The following COBL variants were observed in gnomAD, a reference collection of about 807,000 sequenced individuals.
The protein encoded by COBL is cordon-bleu WH2 repeat protein.
In COBL, 51 loss-of-function variants were observed where a neutral mutation model predicts 98.8. That is an observed-to-expected ratio of 0.52 (90% CI 0.41 to 0.65). The LOEUF (loss-of-function observed/expected upper bound fraction) is 0.65, where lower values mean the gene tolerates loss of function less well. Ranked by LOEUF, COBL falls within the 30% of genes least tolerant of loss-of-function variation. The pLI is 0.00. For synonymous variants in COBL, 634 were observed against 651.7 expected (o/e 0.97, Z 0.41); for missense variants, 1,617 against 1,617.5 (o/e 1.00, Z 0.01).
chr7:51,209,962 G>A (rs571538130), intron 2 of COBL, among the ~76,000 whole-genome samples: 18 of 152,300 alleles, frequency 1.2e-4, no homozygotes, highest in African/African-American at 3.4e-4. Flanking sequence ...TGGACAGCCC[G>A]GGGCTCCACA....
intron 7 of COBL, among the ~76,000 whole-genome samples, chr7:51,056,976 G>A (rs548049673): frequency 4.6e-4 from 70 of 152,222 alleles, no homozygotes; most frequent in African/African-American, 1.3e-3. Flanking sequence ...TTTGAATCAC[G>A]TGTCCTTCTG....
intron 5 of COBL, among the ~76,000 whole-genome samples, chr7:51,142,956 A>T (rs1583941498): frequency 6.6e-6 from 1 of 152,106 alleles, no homozygotes; most frequent in South Asian, 2.1e-4. Flanking sequence ...GCAGAAGCTC[A>T]TTTCCAGCCA....
intron 8 of COBL, chr7:51,033,046 C>A (rs535825702): frequency 2.0e-5 from 3 of 152,016 alleles, no homozygotes; most frequent in African/African-American, 7.2e-5. Context: ...AGACATGGAA[C>A]ATAATGATAT....
At chr7:51,308,622 G>C (rs1802710484) in intron 1 of COBL, among the ~76,000 whole-genome samples, 2 of 152,144 alleles carry the variant, frequency 1.3e-5, no homozygotes, top group African/African-American at 4.8e-5. Context: ...ACAACGCTTT[G>C]CCAATGCTCC....
rs546556885 is a variant in COBL at position 51,060,344 on chromosome 7, C to T, written c.1097-16652G>A. ...AGCTTGACTTACAGTAGGCCTTATC[C>T]ATTGTCATGGTATTCCAGAGAGCAT... On this transcript the variant is annotated intron_variant, in intron 7 of 12. Coordinates refer to ENST00000265136, the MANE Select transcript of COBL (RefSeq NM_015198.5). 1.1e-4 allele frequency among the ~76,000 whole-genome samples: 17 copies of T among 152,308 alleles called. No individual in the cohort carries two copies. In the East Asian group the frequency reaches 3.3e-3, roughly 29 times the overall value.
intron 1 of COBL, among the ~76,000 whole-genome samples, chr7:51,224,628 C>G (rs547871782): frequency 1.2e-4 from 18 of 151,728 alleles, no homozygotes; most frequent in African/African-American, 4.3e-4. Flanking sequence ...CATGCCCGGG[C>G]TAGGGACAAC....
At chr7:51,217,138 C>T (rs1166483785) in intron 2 of COBL, among the ~76,000 whole-genome samples, 1 of 152,192 alleles carries the variant, frequency 6.6e-6, no homozygotes, top group Non-Finnish European at 1.5e-5. Context: ...AAGGCTGCAC[C>T]TATTCTCAGT....
At chr7:51,184,524 C>T (rs889628791) in intron 4 of COBL, among the ~76,000 whole-genome samples, 5 of 152,188 alleles carry the variant, frequency 3.3e-5, no homozygotes, top group African/African-American at 1.2e-4. Flanking sequence ...CCAGACCACA[C>T]ATGTAATTTT....
At chr7:51,129,754 GAGGC>G (rs778756916) in intron 6 of COBL, among the ~76,000 whole-genome samples, 3 of 152,148 alleles carry the variant, frequency 2.0e-5, no homozygotes, top group Admixed American at 6.5e-5. Flanking sequence ...ATGCTAGGGA[GAGGC>G]AGGTGAAAGG....
Position 51,206,124 on chromosome 7 carries a change from G to A in COBL, c.246-12535C>T, listed in dbSNP as rs1295517388. Among the ~76,000 whole-genome samples the A allele has an allele frequency of 2.6e-5, 4 of 152,136 alleles. No individual in the cohort carries two copies. In the South Asian group the frequency reaches 6.2e-4, roughly 24 times the overall value. The stretch of plus-strand genomic sequence containing the variant: ...ATTGGTACAGCCATTATGGAAAACA[G>A]TCTGGTGGTTCTTCAAAAAATTAAA... On this transcript the variant is annotated intron_variant, in intron 2 of 12. Transcript: ENST00000265136.
chr7:51,039,964 G>A (rs1192496818), intron 8 of COBL, among the ~76,000 whole-genome samples: 2 of 152,170 alleles, frequency 1.3e-5, no homozygotes, highest in Non-Finnish European at 2.9e-5. Flanking sequence ...GAGAAAGCAT[G>A]TGTTTTCCAC....
chr7:51,023,667 C>A (rs143370298), intron 12 of COBL, among the ~76,000 whole-genome samples: 1 of 152,234 alleles, frequency 6.6e-6, no homozygotes, highest in East Asian at 1.9e-4. Flanking sequence ...GCAAGGCTGC[C>A]GGCCGGGTGT....
rs370471877 is a variant in COBL at position 51,256,112 on chromosome 7, G to C, written c.42-36168C>G. Among the ~76,000 whole-genome samples the C allele has an allele frequency of 4.9e-4, 75 of 152,204 alleles. No homozygotes were observed. In the South Asian group the frequency reaches 0.015, roughly 30 times the overall value. Reference sequence around the variant, plus strand: ...GAGACCCTGAATTCCATGTCACACTGTCGTAGCAGCTGCACTATCAAGCAC... The same window carrying C: ...GAGACCCTGAATTCCATGTCACACTCTCGTAGCAGCTGCACTATCAAGCAC... On this transcript the variant is annotated intron_variant, in intron 1 of 12. Transcript: ENST00000265136.
intron 1 of COBL, among the ~76,000 whole-genome samples, chr7:51,279,069 G>A (rs78663744): frequency 0.014 from 2,159 of 152,334 alleles, 44 homozygotes; most frequent in African/African-American, 0.049. Context: ...CTGTGTACTA[G>A]TCCTGCACTG....
At chr7:51,315,745 T>A (rs905008052) in intron 1 of COBL, among the ~76,000 whole-genome samples, 1 of 151,924 alleles carries the variant, frequency 6.6e-6, no homozygotes, top group Non-Finnish European at 1.5e-5. Flanking sequence ...GCTCGGGGTC[T>A]GAATAATGAG....
At chr7:51,227,797 C>T (rs1392394480) in intron 1 of COBL, among the ~76,000 whole-genome samples, 1 of 152,184 alleles carries the variant, frequency 6.6e-6, no homozygotes, top group Non-Finnish European at 1.5e-5. Flanking sequence ...AGAATTCCTT[C>T]TAATAGAGGA....
intron 5 of COBL, among the ~76,000 whole-genome samples, chr7:51,179,421 G>A (rs1041710006): frequency 1.1e-4 from 17 of 152,080 alleles, no homozygotes; most frequent in African/African-American, 4.1e-4. Context: ...GGCCAGGCTG[G>A]TCTCAAACTC....
chr7:51,205,800 T>C (rs1563035919), intron 2 of COBL, among the ~76,000 whole-genome samples: 1 of 152,170 alleles, frequency 6.6e-6, no homozygotes. Context: ...GAGAAAATAC[T>C]TGACAGCCAC....
At chr7:51,247,264 T>C (rs1796343086) in intron 1 of COBL, among the ~76,000 whole-genome samples, 1 of 152,100 alleles carries the variant, frequency 6.6e-6, no homozygotes, top group Admixed American at 6.5e-5. Flanking sequence ...GGAGTCTCTC[T>C]TCTTTCGGGG....
Sources: gnomAD v4.1 joint callset for allele counts (sites outside exome capture counted in the v4.1 genomes callset) on GRCh38, gnomAD v4.1.1 for gene constraint, MANE v1.5 for transcripts, NCBI Gene and HGNC (gene_info 2026-07-23, HGNC 2026-07-21) for gene names.